SERGEF: variants seen among roughly 807,000 people sequenced by gnomAD.
SERGEF encodes the protein secretion regulating guanine nucleotide exchange factor, also known as secretion-regulating guanine nucleotide exchange factor.
SERGEF carries 51 observed loss-of-function variants against 50.0 expected under a neutral mutation model. That is an observed-to-expected ratio of 1.02 (90% CI 0.81 to 1.29). SERGEF has a LOEUF of 1.29. Ranked by LOEUF, SERGEF falls within the 50% of genes most tolerant of loss-of-function variation. SERGEF has a pLI of 0.00. For synonymous variants in SERGEF, 205 were observed against 212.4 expected, an observed-to-expected ratio of 0.97 and a Z score of 0.30; for missense variants, 521 against 557.0, an observed-to-expected ratio of 0.94 and a Z score of 0.65.
At chr11:17,831,920 C>T (rs1001534500) in intron 10 of SERGEF, among the ~76,000 whole-genome samples, 1 of 152,172 alleles carries the variant, frequency 6.6e-6, no homozygotes, top group Non-Finnish European at 1.5e-5. Flanking sequence ...CAAGGCTCTC[C>T]CTGACTCTTG....
At chr11:17,878,368 G>A in intron 9 of SERGEF, 124 bp from the exon 10 acceptor site, 1 of 655,122 alleles carries the variant, frequency 1.5e-6, no homozygotes, top group Non-Finnish European at 2.7e-6. Flanking sequence ...GAAATAGAAA[G>A]AAGCATCACA....
chr11:17,982,445 C>T (rs540973190), intron 8 of SERGEF, among the ~76,000 whole-genome samples: 19 of 152,266 alleles, frequency 1.2e-4, no homozygotes, highest in African/African-American at 4.6e-4. Context: ...CAAAACAAGC[C>T]TTTGGGCTCA....
chr11:17,963,299 C>A (rs1853050650), intron 8 of SERGEF, among the ~76,000 whole-genome samples: 1 of 138,234 alleles, frequency 7.2e-6, no homozygotes, highest in African/African-American at 2.8e-5. Context: ...CAGAGAAGTG[C>A]CATGGCTGGA....
intron 10 of SERGEF, among the ~76,000 whole-genome samples, chr11:17,866,078 C>T (rs987037018): frequency 1.3e-5 from 2 of 152,228 alleles, no homozygotes; most frequent in African/African-American, 4.8e-5. Flanking sequence ...AACTAAAAAA[C>T]TGTTGCTCTG....
intron 10 of SERGEF, among the ~76,000 whole-genome samples, chr11:17,840,262 G>C (rs1374867155): frequency 6.6e-6 from 1 of 152,192 alleles, no homozygotes; most frequent in Non-Finnish European, 1.5e-5. Flanking sequence ...AAGGATACCA[G>C]CTCCCTTTTG....
chr11:17,869,114 AT>A (rs1248527224), intron 10 of SERGEF, among the ~76,000 whole-genome samples: 2 of 152,218 alleles, frequency 1.3e-5, no homozygotes, highest in African/African-American at 4.8e-5. Flanking sequence ...TAGGCAATGC[AT>A]GACCATACTA....
rs796599682 is a variant in SERGEF at position 18,004,332 on chromosome 11, C to T, written c.447+109G>A. 1.5e-5 allele frequency: 11 copies of T among 726,164 alleles called. No homozygotes were observed. The African/African-American group carries it at 2.0e-4, about 13-fold the overall frequency. 45.0% of individuals were successfully genotyped at this position (726,164 alleles called of 1,614,324 possible). On this transcript the variant is annotated intron_variant, in intron 4 of 10. Transcript: ENST00000265965. ...ATTTTTCAACTCAAATTCTCCTACT[C>T]CATGGGTTCTCAGGGATCCTGACAG...
chr11:18,001,984 A>G (rs1374670976), intron 4 of SERGEF: 1 of 456,340 alleles, frequency 2.2e-6, no homozygotes, highest in South Asian at 1.5e-5. Context: ...CCACAACAAA[A>G]CACAACATCC....
intron 6 of SERGEF, 60 bp downstream of exon 6, chr11:17,995,736 G>T: frequency 1.7e-6 from 2 of 1,170,252 alleles, no homozygotes; most frequent in Non-Finnish European, 2.5e-6. Flanking sequence ...TCTTCTGCAT[G>T]TTTATGTCTC....
chr11:17,865,123 C>T (rs1288256117), intron 10 of SERGEF, among the ~76,000 whole-genome samples: 1 of 152,136 alleles, frequency 6.6e-6, no homozygotes, highest in African/African-American at 2.4e-5. Flanking sequence ...CAATGGTAGT[C>T]CCATAAGATT....
intron 9 of SERGEF, among the ~76,000 whole-genome samples, chr11:17,905,399 C>T (rs1851820397): frequency 6.6e-6 from 1 of 152,210 alleles, no homozygotes; most frequent in East Asian, 1.9e-4. Context: ...GCTTTTCTGA[C>T]TGTGAGAATC....
intron 9 of SERGEF, among the ~76,000 whole-genome samples, chr11:17,927,190 A>C (rs1203829793): frequency 1.3e-5 from 2 of 152,192 alleles, no homozygotes; most frequent in Non-Finnish European, 2.9e-5. Flanking sequence ...GGGTTAACCC[A>C]CACTAGAGAC....
Position 17,986,014 on chromosome 11 carries a change from C to T in SERGEF, c.844+2583G>A, listed in dbSNP as rs557566319. On this transcript the variant is annotated intron_variant, in intron 8 of 10. Transcript: ENST00000265965. The stretch of plus-strand genomic sequence containing the variant: ...CTCTTTTTTAATCAATATCACACAA[C>T]TAATGCCTCCCAGAATGAGACTGAG... Among the ~76,000 whole-genome samples, 4 of 152,336 alleles carry T rather than the reference C, an allele frequency of 2.6e-5. No individual in the cohort carries two copies. In the South Asian group the frequency reaches 8.3e-4, roughly 32 times the overall value.
At chr11:17,938,626 A>C (rs922263438) in intron 9 of SERGEF, among the ~76,000 whole-genome samples, 4 of 152,178 alleles carry the variant, frequency 2.6e-5, no homozygotes, top group African/African-American at 4.8e-5. Context: ...ACTGCAGGAC[A>C]CTTTAGTTAT....
chr11:18,012,970 G>A lies in SERGEF; in HGVS notation c.41C>T (p.Ala14Val), dbSNP rs977863702. Residue 14 changes from alanine (A) to valine (V), a missense_variant, in exon 1 of 11, where the codon GCG becomes GTG. Ala to Val is a moderately conservative substitution (Grantham distance 64). Coordinates refer to ENST00000265965, the MANE Select transcript of SERGEF (RefSeq NM_012139.4). ...EPSASEAAPA[A>V]AALFAWGANS... Reference sequence around the variant, plus strand: ...ACGTACCCAGGCGAAGAGCGCGGCCGCCGCGGGGGCGGCCTCCGAGGCGCT... The same window carrying A: ...ACGTACCCAGGCGAAGAGCGCGGCCACCGCGGGGGCGGCCTCCGAGGCGCT... The A allele has an allele frequency of 4.1e-6, 6 of 1,473,544 alleles. No homozygotes were observed. The South Asian group carries it at 6.5e-5, about 16-fold the overall frequency. 91.3% of individuals were successfully genotyped at this position (1,473,544 alleles called of 1,614,324 possible). A position where few individuals can be genotyped will look rare whatever the true frequency, so the allele number is the denominator to read the frequency against.
chr11:17,957,460 A>AT (rs759311179), intron 9 of SERGEF, among the ~76,000 whole-genome samples: 4 of 152,162 alleles, frequency 2.6e-5, no homozygotes, highest in Non-Finnish European at 5.9e-5. Context: ...CTACTATACT[A>AT]CCTGACCACA....
At chr11:17,964,813 C>T (rs1461849608) in intron 8 of SERGEF, among the ~76,000 whole-genome samples, 1 of 152,252 alleles carries the variant, frequency 6.6e-6, no homozygotes, top group East Asian at 1.9e-4. Context: ...AAGAACCTGA[C>T]TTCTGTAACT....
At chr11:17,854,732 A>T (rs1160899698) in intron 10 of SERGEF, 2 of 152,104 alleles carry the variant, frequency 1.3e-5, no homozygotes, top group Non-Finnish European at 2.9e-5. Context: ...GGACTGACAC[A>T]CTCTGTCTTT....
At chr11:17,814,801 T>G (rs1373375325) in intron 10 of SERGEF, among the ~76,000 whole-genome samples, 1 of 152,176 alleles carries the variant, frequency 6.6e-6, no homozygotes, top group Non-Finnish European at 1.5e-5. Context: ...GAGTTCTCCT[T>G]CTCCTTGGGG....
Sources: allele counts gnomAD v4.1 joint callset (sites outside exome capture counted in the v4.1 genomes callset), GRCh38; gene constraint gnomAD v4.1.1; transcripts MANE v1.5; gene names NCBI Gene and HGNC (gene_info 2026-07-23, HGNC 2026-07-21).